CCDC88C: variants seen among roughly 807,000 people sequenced by gnomAD.
The protein encoded by CCDC88C is protein Daple.
CCDC88C carries 131 observed loss-of-function variants against 198.8 expected under a neutral mutation model. That is an observed-to-expected ratio of 0.66 (90% confidence interval 0.57 to 0.76). The LOEUF is 0.76. CCDC88C is among the 30% of genes least tolerant of loss of function. CCDC88C has a pLI of 0.00. For synonymous variants in CCDC88C, 1,166 were observed against 1,114.7 expected (o/e 1.05, Z -0.92); for missense variants, 2,553 against 2,631.6 (o/e 0.97, Z 0.65).
At chr14:91,388,717 A>G (rs1363890390) in intron 3 of CCDC88C, among the ~76,000 whole-genome samples, 2 of 152,234 alleles carry the variant, frequency 1.3e-5, no homozygotes, top group East Asian at 3.8e-4. Context: ...ATTTCAACCA[A>G]ACACAGACTG....
In CCDC88C at chr14:91,294,310, G is replaced by C; in HGVS notation, c.3975C>G (p.Ser1325=). 1 of 1,613,932 alleles carries C rather than the reference G, an allele frequency of 6.2e-7. No individual in the cohort carries two copies. Among genetic ancestry groups the C allele is most frequent in the Non-Finnish European group, 8.5e-7 (1 of 1,179,868 alleles). Reference sequence around the variant, plus strand: ...CTTCCTCCAAGTTCCCCTTGAGACGGGAGAGCAGCTAGAACACAGACCAAC... The same window carrying C: ...CTTCCTCCAAGTTCCCCTTGAGACGCGAGAGCAGCTAGAACACAGACCAAC... The part of the protein sequence containing the change: ...TKLDNHCELL[S]RLKGNLEEEN... The change falls in exon 23 of 30, where the codon TCC becomes TCG. Residue 1325 remains serine (S), a synonymous_variant. Transcript: ENST00000389857.
chr14:91,283,150 T>C (rs987943053), intron 26 of CCDC88C, among the ~76,000 whole-genome samples, 179 bp downstream of exon 26: 1 of 152,112 alleles, frequency 6.6e-6, no homozygotes, highest in Non-Finnish European at 1.5e-5. Flanking sequence ...CTGCCCAAAG[T>C]CCTTGGCTGG....
intron 4 of CCDC88C, among the ~76,000 whole-genome samples, chr14:91,358,003 G>A (rs1229316196): frequency 6.6e-6 from 1 of 152,214 alleles, no homozygotes; most frequent in African/African-American, 2.4e-5. Flanking sequence ...AAGGCGGTGA[G>A]TGCCCACAGG....
At chr14:91,307,771 ATG>A (rs933342726) in intron 17 of CCDC88C, among the ~76,000 whole-genome samples, 2 of 152,132 alleles carry the variant, frequency 1.3e-5, no homozygotes, top group Non-Finnish European at 2.9e-5. Context: ...TGTGAGGAGC[ATG>A]TGTTTGTGTG....
chr14:91,393,190 AG>A (rs1248392745), intron 3 of CCDC88C, among the ~76,000 whole-genome samples: 1 of 152,108 alleles, frequency 6.6e-6, no homozygotes, highest in African/African-American at 2.4e-5. Flanking sequence ...ACAGGCTAGG[AG>A]GGGTTGGGCC....
At chr14:91,396,830 A>G (rs1567120871) in intron 3 of CCDC88C, among the ~76,000 whole-genome samples, 2 of 152,136 alleles carry the variant, frequency 1.3e-5, no homozygotes, top group African/African-American at 2.4e-5. Flanking sequence ...CTCTGTCTCT[A>G]CAAAAAATCA....
At chr14:91,391,624 C>A (rs1316855171) in intron 3 of CCDC88C, among the ~76,000 whole-genome samples, 1 of 152,040 alleles carries the variant, frequency 6.6e-6, no homozygotes, top group Non-Finnish European at 1.5e-5. Flanking sequence ...ACCAAAAATA[C>A]AAAAATTATC....
At chr14:91,305,952 A>C in intron 18 of CCDC88C, 26 bp from the exon 19 acceptor site, 1 of 1,604,648 alleles carries the variant, frequency 6.2e-7, no homozygotes, top group African/African-American at 1.3e-5. Context: ...GCATGAGCGA[A>C]TCAAACTCCA....
rs190728211 is a variant in CCDC88C at position 91,412,468 on chromosome 14, C to T, written c.162-3701G>A. Among the ~76,000 whole-genome samples the T allele has an allele frequency of 5.4e-5, 8 of 149,318 alleles. No homozygotes were observed. The East Asian group carries it at 1.6e-3, about 29-fold the overall frequency. On this transcript the variant is annotated intron_variant, in intron 2 of 29. Transcript: ENST00000389857. ...TTTTTTTTTTTGAGATGGAGTCTGGCTCTGTTGCCCAGGCTGGGTGCAGTG... is the reference window on the plus strand; with the variant it reads ...TTTTTTTTTTTGAGATGGAGTCTGGTTCTGTTGCCCAGGCTGGGTGCAGTG...
intron 4 of CCDC88C, among the ~76,000 whole-genome samples, chr14:91,348,919 T>A (rs1016582484): frequency 6.6e-6 from 1 of 152,134 alleles, no homozygotes; most frequent in Non-Finnish European, 1.5e-5. Flanking sequence ...TACAGATTCC[T>A]ACAAAATTTT....
Position 91,289,137 on chromosome 14 carries a change from T to C in CCDC88C, c.4409A>G (p.Glu1470Gly), listed in dbSNP as rs1018693503. The C allele has an allele frequency of 6.2e-7, 1 of 1,613,342 alleles. No individual in the cohort carries two copies. Residue 1470 changes from glutamate to glycine, a missense_variant, in exon 25 of 30, where the codon GAG becomes GGG. Glu to Gly is a moderately conservative substitution (Grantham distance 98). Coordinates refer to ENST00000389857, the MANE Select transcript of CCDC88C (RefSeq NM_001080414.4). Reference protein sequence around the residue: ...TPALGSNCAEERDAHNGSVGK... With the variant: ...TPALGSNCAEGRDAHNGSVGK... ...CACAGACCCGTTGTGGGCGTCGCGC[T>C]CTTCTGCACAGTTGGAGCCCAGTGC...
rs968682694 is a variant in CCDC88C at position 91,339,254 on chromosome 14, T to C, written c.809+24A>G. The C allele has an allele frequency of 2.5e-6, 4 of 1,610,624 alleles. No homozygotes were observed. Among genetic ancestry groups the C allele is most frequent in the Non-Finnish European group, 3.4e-6 (4 of 1,179,256 alleles). On this transcript the variant is annotated intron_variant, in intron 8 of 29. Coordinates refer to ENST00000389857, the MANE Select transcript of CCDC88C (RefSeq NM_001080414.4). The surrounding 1 kb of genome is among the most constrained non-coding windows in gnomAD (Gnocchi z 5.8). ...AACATGTCTGCAACACACACAAAGG[T>C]AGGAGAAGCAGCCGGGGACTCACAG...
chr14:91,301,998 G>A (rs564977459), intron 20 of CCDC88C, among the ~76,000 whole-genome samples: 7 of 152,316 alleles, frequency 4.6e-5, no homozygotes, highest in Admixed American at 3.3e-4. Flanking sequence ...AGGCCGGAAG[G>A]AGTAGTCTTA....
intron 4 of CCDC88C, among the ~76,000 whole-genome samples, chr14:91,353,297 C>T (rs1893897319): frequency 6.6e-6 from 1 of 152,164 alleles, no homozygotes; most frequent in African/African-American, 2.4e-5. Context: ...CCAGATATTG[C>T]CTCCTCCAGG....
At position 91,289,123 on chromosome 14, in the gene CCDC88C, T is replaced by G. The variant is rs758735271; in HGVS notation, c.4423A>C (p.Asn1475His). Residue 1475 changes from asparagine to histidine, a missense_variant, in exon 25 of 30, where the codon AAC becomes CAC. Physicochemically the swap from Asn to His is moderately conservative, Grantham distance 68 (BLOSUM62 1). Transcript: ENST00000389857. ...SNCAEERDAH[N>H]GSVGKGPGDL... is the part of the protein sequence containing the mutation. ...CCCCTACCTTTCCCCACAGACCCGT[T>G]GTGGGCGTCGCGCTCTTCTGCACAG... is the stretch of plus-strand genomic sequence containing the variant. 10 of 1,612,736 alleles carry G rather than the reference T, an allele frequency of 6.2e-6. No individual in the cohort carries two copies. The highest frequency in any genetic ancestry group is 8.5e-6 in the Non-Finnish European group (10 of 1,179,752).
At chr14:91,377,682 G>A (rs1057383882) in intron 3 of CCDC88C, among the ~76,000 whole-genome samples, 1 of 152,202 alleles carries the variant, frequency 6.6e-6, no homozygotes, top group Non-Finnish European at 1.5e-5. Context: ...ATGTTCATCT[G>A]TGAGTAACAA....
intron 1 of CCDC88C, 95 bp downstream of exon 1, chr14:91,417,536 C>A (rs980369149): frequency 3.3e-6 from 4 of 1,212,786 alleles, no homozygotes; most frequent in Non-Finnish European, 4.6e-6. Context: ...CGGAGCCACC[C>A]GGGGCCCCGG....
chr14:91,358,799 G>A (rs957282694), intron 4 of CCDC88C, among the ~76,000 whole-genome samples: 7 of 152,060 alleles, frequency 4.6e-5, no homozygotes, highest in African/African-American at 7.2e-5. Context: ...CACTGCGCTC[G>A]GCCTCATTGA....
rs749900011 is a variant in CCDC88C at position 91,284,805 on chromosome 14, CTG to C, written c.4442-1290_4442-1289del. 4.6e-5 allele frequency among the ~76,000 whole-genome samples: 7 copies of C among 152,148 alleles called. No individual in the cohort carries two copies. Among genetic ancestry groups the C allele is most frequent in the Non-Finnish European group, 2.9e-5 (2 of 68,048 alleles). ...TCCTTTTAATACATTTAACTACAAACTGTGAATCAATGTAAGGGAAAACATGC... is the reference window on the plus strand; with the variant it reads ...TCCTTTTAATACATTTAACTACAAACTGAATCAATGTAAGGGAAAACATGC... On this transcript the variant is annotated intron_variant, in intron 25 of 29. Coordinates refer to ENST00000389857, the MANE Select transcript of CCDC88C (RefSeq NM_001080414.4). This position sits in a 1 kb window ranked among gnomAD's most constrained non-coding sequence, Gnocchi z 4.1.
Sources: gnomAD v4.1 joint callset for allele counts (sites outside exome capture counted in the v4.1 genomes callset) on GRCh38, gnomAD v4.1.1 for gene constraint, Gnocchi (gnomAD v3.1) non-coding constraint, MANE v1.5 for transcripts, NCBI Gene and HGNC (gene_info 2026-07-23, HGNC 2026-07-21) for gene names.